The following CNTN3 variants were observed in gnomAD, a reference collection of about 807,000 sequenced individuals.
CNTN3 encodes the protein contactin 3.
Under a neutral mutation model 119.1 loss-of-function variants are expected in CNTN3, and 60 were observed. That is an observed-to-expected ratio of 0.50 (90% CI 0.41 to 0.62). The LOEUF (loss-of-function observed/expected upper bound fraction) is 0.62, where lower values mean the gene tolerates loss of function less well. Among genes scored for constraint, CNTN3 ranks in the 20% least tolerant of loss-of-function variants. The probability of loss-of-function intolerance (pLI) is 0.00; values close to 1 mark genes in which losing one functional copy is unlikely to be tolerated. For missense variants in CNTN3, 1,101 were observed against 1,242.4 expected, an observed-to-expected ratio of 0.89 and a Z score of 1.71; for synonymous variants, 450 against 438.7, an observed-to-expected ratio of 1.03 and a Z score of -0.32.
At chr3:74,323,920 CTGTTA>C (rs1703062558) in intron 13 of CNTN3, among the ~76,000 whole-genome samples, 1 of 151,838 alleles carries the variant, frequency 6.6e-6, no homozygotes, top group Admixed American at 6.6e-5. Context: ...AGGTAAATAT[CTGTTA>C]AGATATTTAA....
At chr3:74,562,510 T>C (rs1468918423) in intron 1 of CNTN3, among the ~76,000 whole-genome samples, 1 of 152,182 alleles carries the variant, frequency 6.6e-6, no homozygotes, top group African/African-American at 2.4e-5. Flanking sequence ...GGCTTAAGCA[T>C]GGACACAAAT....
chr3:74,309,117 A>G (rs1420885646), intron 13 of CNTN3, among the ~76,000 whole-genome samples: 1 of 151,716 alleles, frequency 6.6e-6, no homozygotes, highest in Non-Finnish European at 1.5e-5. Flanking sequence ...TTATTTATTT[A>G]TTTTTGAGAT....
At chr3:74,554,154 A>G (rs1704034985) in intron 1 of CNTN3, among the ~76,000 whole-genome samples, 1 of 152,000 alleles carries the variant, frequency 6.6e-6, no homozygotes, top group South Asian at 2.1e-4. Flanking sequence ...AGTTTTCCCA[A>G]TGCCATTTAT....
intron 4 of CNTN3, among the ~76,000 whole-genome samples, chr3:74,455,402 G>C (rs893085075): frequency 6.6e-6 from 1 of 150,496 alleles, no homozygotes; most frequent in Non-Finnish European, 1.5e-5. Context: ...TTATACATTC[G>C]TCTAAATTTT....
intron 5 of CNTN3, among the ~76,000 whole-genome samples, chr3:74,420,374 T>C (rs1373863522): frequency 1.3e-5 from 2 of 152,200 alleles, no homozygotes; most frequent in African/African-American, 2.4e-5. Flanking sequence ...TTTCCACACT[T>C]TGGGATCCTT....
intron 2 of CNTN3, among the ~76,000 whole-genome samples, chr3:74,513,194 A>G (rs1703398731): frequency 6.6e-6 from 1 of 152,134 alleles, no homozygotes; most frequent in African/African-American, 2.4e-5. Flanking sequence ...GTTGCCATGA[A>G]CAAAGTAAAA....
chr3:74,486,200 G>GCACACA (rs79617168), intron 4 of CNTN3, among the ~76,000 whole-genome samples: 2,815 of 147,794 alleles, frequency 0.019, 77 homozygotes, highest in African/African-American at 0.065. Flanking sequence ...CTAAAATAGA[G>GCACACA]CACACACACA....
At chr3:74,481,931 T>C (rs1324442824) in intron 4 of CNTN3, among the ~76,000 whole-genome samples, 1 of 151,724 alleles carries the variant, frequency 6.6e-6, no homozygotes, top group African/African-American at 2.4e-5. Flanking sequence ...ACTAGTATAT[T>C]AGAAAACATA....
At chr3:74,399,314 G>A (rs948831270) in intron 5 of CNTN3, among the ~76,000 whole-genome samples, 1 of 151,740 alleles carries the variant, frequency 6.6e-6, no homozygotes. Context: ...TTTCTGACAG[G>A]CCCCAGTGTG....
chr3:74,545,593 A>G (rs531788755), intron 1 of CNTN3, among the ~76,000 whole-genome samples: 1 of 152,190 alleles, frequency 6.6e-6, no homozygotes, highest in Non-Finnish European at 1.5e-5. Flanking sequence ...TCACTAAGGT[A>G]AAAGGAAAAG....
At chr3:74,598,318 C>T (rs1000065888) in intron 1 of CNTN3, among the ~76,000 whole-genome samples, 9 of 152,008 alleles carry the variant, frequency 5.9e-5, no homozygotes, top group African/African-American at 2.2e-4. Context: ...GTTGCCCCAC[C>T]GGAGGCACCA....
chr3:74,595,730 A>G (rs1704795593), intron 1 of CNTN3, among the ~76,000 whole-genome samples: 1 of 152,102 alleles, frequency 6.6e-6, no homozygotes, highest in South Asian at 2.1e-4. Context: ...CACAGCCAAT[A>G]TCATACTGAA....
intron 4 of CNTN3, among the ~76,000 whole-genome samples, chr3:74,466,024 C>A (rs1232152529): frequency 6.6e-6 from 1 of 152,164 alleles, no homozygotes; most frequent in Non-Finnish European, 1.5e-5. Flanking sequence ...GCTGCAGATG[C>A]CAAAAATTCC....
intron 5 of CNTN3, among the ~76,000 whole-genome samples, chr3:74,416,952 C>A (rs1701533537): frequency 6.6e-6 from 1 of 151,192 alleles, no homozygotes; most frequent in East Asian, 1.9e-4. Context: ...TGTGCCACTG[C>A]ACTCCAGCCT....
rs1702373013 is a variant in CNTN3, at chr3:74,297,868, T to C, written c.2401+89A>G. 7.5e-6 allele frequency: 7 copies of C among 929,236 alleles called. No individual in the cohort carries two copies. In the East Asian group the frequency reaches 1.7e-4, roughly 23 times the overall value. 57.6% of individuals were successfully genotyped at this position (929,236 alleles called of 1,614,324 possible). A position where few individuals can be genotyped will look rare whatever the true frequency, so the allele number is the denominator to read the frequency against. Reference sequence around the variant, plus strand: ...ATGATTGTTCTTTGGAATAAATATATTTGAAGTCAAAACGAGACTCCAAAT... The same window carrying C: ...ATGATTGTTCTTTGGAATAAATATACTTGAAGTCAAAACGAGACTCCAAAT... On this transcript the variant is annotated intron_variant, in intron 18 of 22. Coordinates refer to ENST00000263665, the MANE Select transcript of CNTN3 (RefSeq NM_020872.3).
chr3:74,416,566 G>A (rs1004602712), intron 5 of CNTN3, among the ~76,000 whole-genome samples: 3 of 152,046 alleles, frequency 2.0e-5, no homozygotes, highest in African/African-American at 7.2e-5. Flanking sequence ...TGCTTAAAAA[G>A]GTTTTCATTG....
intron 1 of CNTN3, among the ~76,000 whole-genome samples, chr3:74,571,574 T>C (rs533826613): frequency 6.6e-6 from 1 of 152,266 alleles, no homozygotes; most frequent in South Asian, 2.1e-4. Flanking sequence ...TTGCACAATA[T>C]ATGGAAAGCA....
At chr3:74,425,561 GAACT>G (rs1171778405) in intron 4 of CNTN3, among the ~76,000 whole-genome samples, 25 of 152,146 alleles carry the variant, frequency 1.6e-4, no homozygotes, top group African/African-American at 6.0e-4. Flanking sequence ...GTATCAGAAT[GAACT>G]AACCAGACAA....
At chr3:74,563,628 G>A (rs1331710082) in intron 1 of CNTN3, among the ~76,000 whole-genome samples, 1 of 151,988 alleles carries the variant, frequency 6.6e-6, no homozygotes, top group African/African-American at 2.4e-5. Flanking sequence ...TTGCAGCTAT[G>A]GTATAGCACA....
Sources: gnomAD v4.1 joint callset for allele counts (sites outside exome capture counted in the v4.1 genomes callset) on GRCh38, gnomAD v4.1.1 for gene constraint, MANE v1.5 for transcripts, NCBI Gene and HGNC (gene_info 2026-07-23, HGNC 2026-07-21) for gene names.